CIITA: variants seen among roughly 807,000 people sequenced by gnomAD.
The protein encoded by CIITA is class II major histocompatibility complex transactivator, also known as MHC class II transactivator.
CIITA carries 72 observed loss-of-function variants against 115.1 expected under a neutral mutation model. The observed-to-expected ratio is 0.63, with a 90% CI of 0.52 to 0.76. The LOEUF is 0.76. Among genes scored for constraint, CIITA ranks in the 30% least tolerant of loss-of-function variants. The pLI is 0.00. For synonymous variants in CIITA, 763 were observed against 635.6 expected, an observed-to-expected ratio of 1.20 and a Z score of -3.02; for missense variants, 1,617 against 1,463.8, an observed-to-expected ratio of 1.10 and a Z score of -1.71.
downstream of CIITA, chr16:10,941,241 G>A (rs1245918271): frequency 6.3e-6 from 1 of 157,508 alleles, no homozygotes; most frequent in Admixed American, 6.2e-5. This position sits in a 1 kb window ranked among gnomAD's most constrained non-coding sequence, Gnocchi z 6.4. Flanking sequence ...ATGAGGACTG[G>A]AGGAGGAGCT....
chr16:10,885,938 TTG>T (rs2036899699), intron 1 of CIITA, among the ~76,000 whole-genome samples: 1 of 152,192 alleles, frequency 6.6e-6, no homozygotes, highest in Non-Finnish European at 1.5e-5. Context: ...ACTATGATCT[TTG>T]GTTCACATGA....
At position 10,918,426 on chromosome 16, in the gene CIITA, C is replaced by T; in HGVS notation, c.3063-14C>T. On this transcript the variant is annotated splice_polypyrimidine_tract_variant and intron_variant, in intron 15 of 19. Transcript: ENST00000324288. The stretch of plus-strand genomic sequence containing the variant: ...GTTTGGTCCTGAGCCCTCCCCCTCA[C>T]TGTGTCCCCGCAGTCTGTCCCAGAA... The T allele has an allele frequency of 6.2e-7, 1 of 1,613,404 alleles. No individual in the cohort carries two copies. The highest frequency in any genetic ancestry group is 8.5e-7 in the Non-Finnish European group (1 of 1,179,256).
intron 1 of CIITA, among the ~76,000 whole-genome samples, chr16:10,892,172 A>G (rs1416838280): frequency 6.6e-6 from 1 of 152,046 alleles, no homozygotes; most frequent in Non-Finnish European, 1.5e-5. Flanking sequence ...AAAAATAAAA[A>G]AATTAGCCAG....
rs2039470525 is a variant in CIITA at position 10,910,279 on chromosome 16, G to A, written c.2888+20G>A. 3 of 1,609,488 alleles carry A rather than the reference G, an allele frequency of 1.9e-6. No homozygotes were observed. Among genetic ancestry groups the A allele is most frequent in the Non-Finnish European group, 2.6e-6 (3 of 1,176,402 alleles). On this transcript the variant is annotated intron_variant, in intron 13 of 19. Transcript: ENST00000324288. ...GTTTGCGTAAGCAAAGGGGTGGATT[G>A]TCTTGTGGGTCTGCGCAAGGTTTCC... is the stretch of plus-strand genomic sequence containing the variant.
Position 10,934,124 on chromosome 16 carries a change from C to G in CIITA, c.*10269C>G, listed in dbSNP as rs1027272869. 1 of 152,274 alleles carries G rather than the reference C, an allele frequency of 6.6e-6. No individual in the cohort carries two copies. Among genetic ancestry groups the G allele is most frequent in the African/African-American group, 2.4e-5 (1 of 41,470 alleles). The allele number at this position is 152,274 out of a possible 1,614,324, so 9.4% of individuals were successfully genotyped here. The stretch of plus-strand genomic sequence containing the variant: ...CTTTGTGAAGATGCCTGGTCTACCA[C>G]GTGCCTCCAGCTGGTCACGCCCAAG... On this transcript the variant is annotated 3_prime_UTR_variant, in exon 20 of 20. Transcript: ENST00000324288. This position sits in a 1 kb window ranked among gnomAD's most constrained non-coding sequence, Gnocchi z 4.2.
chr16:10,906,617 C>A lies in CIITA; in HGVS notation c.1125C>A (p.Ser375Arg), dbSNP rs761770874. Residue 375 changes from serine (S) to arginine (R), a missense_variant, in exon 11 of 20, where the codon AGC (serine) becomes AGA (arginine). Physicochemically the swap from Ser to Arg is moderately radical, Grantham distance 110 (BLOSUM62 -1). Transcript: ENST00000324288. ...AGGCCAGGCTGGAGAGGAGCAGCAGCAAGAGCCTGGAGCGGGAACTGGCCA... is the reference window on the plus strand; with the variant it reads ...AGGCCAGGCTGGAGAGGAGCAGCAGAAAGAGCCTGGAGCGGGAACTGGCCA... ...LVQARLERSS[S>R]KSLERELATP... 6.2e-7 allele frequency: 1 copy of A among 1,613,912 alleles called. No homozygotes were observed. The highest frequency in any genetic ancestry group is 8.5e-7 in the Non-Finnish European group (1 of 1,180,000).
Position 10,923,179 on chromosome 16 carries a change from G to A in CIITA, c.3318-49G>A. 6.3e-7 allele frequency: 1 copy of A among 1,575,192 alleles called. No homozygotes were observed. The highest frequency in any genetic ancestry group is 2.2e-5 in the East Asian group (1 of 44,712). On this transcript the variant is annotated intron_variant, in intron 18 of 19. Coordinates refer to ENST00000324288, the MANE Select transcript of CIITA (RefSeq NM_000246.4). The surrounding 1 kb of genome is among the most constrained non-coding windows in gnomAD (Gnocchi z 5.2). ...GGGGCAGCTGTCACTGGGGCCCCAG[G>A]CCGCCCTCTCTCCTCTAACCTGGCT...
In CIITA at chr16:10,923,407, G is replaced by C; in HGVS notation, c.*22+82G>C. ...GTGAAGGTGGCATTCAAAAAATGTG[G>C]GCGGGACACAGGTGGGGCTAGGCCA... On this transcript the variant is annotated intron_variant, in intron 19 of 19. Coordinates refer to ENST00000324288, the MANE Select transcript of CIITA (RefSeq NM_000246.4). This position sits in a 1 kb window ranked among gnomAD's most constrained non-coding sequence, Gnocchi z 5.2. 8.7e-7 allele frequency: 1 copy of C among 1,144,260 alleles called. No homozygotes were observed. The highest frequency in any genetic ancestry group is 1.2e-5 in the South Asian group (1 of 81,244). 70.9% of individuals were successfully genotyped at this position (1,144,260 alleles called of 1,614,324 possible). A position where few individuals can be genotyped will look rare whatever the true frequency, so the allele number is the denominator to read the frequency against.
chr16:10,871,933 C>A (rs2035513208), intron 1 of CIITA, among the ~76,000 whole-genome samples: 1 of 152,218 alleles, frequency 6.6e-6, no homozygotes, highest in Non-Finnish European at 1.5e-5. Flanking sequence ...CCAAGCCTGG[C>A]ACTTCTCCAA....
At chr16:10,896,716 G>A (rs953384641) in intron 3 of CIITA, among the ~76,000 whole-genome samples, 1 of 152,220 alleles carries the variant, frequency 6.6e-6, no homozygotes, top group Non-Finnish European at 1.5e-5. Context: ...CCTGTGTGCA[G>A]TGAACAACCT....
intron 16 of CIITA, 42 bp downstream of exon 16, chr16:10,918,568 G>T (rs567677982): frequency 1.5e-5 from 24 of 1,573,100 alleles, no homozygotes; most frequent in Non-Finnish European, 2.1e-5. Context: ...TGAGCTGGGG[G>T]GCTGCAGAGC....
At position 10,931,016 on chromosome 16, in the gene CIITA, G is replaced by C. The variant is rs1318545454; in HGVS notation, c.*7161G>C. The C allele has an allele frequency of 6.6e-6, 1 of 152,326 alleles. No homozygotes were observed. Among genetic ancestry groups the C allele is most frequent in the Non-Finnish European group, 1.5e-5 (1 of 68,144 alleles). 9.4% of individuals were successfully genotyped at this position (152,326 alleles called of 1,614,324 possible). On this transcript the variant is annotated 3_prime_UTR_variant, in exon 20 of 20. Coordinates refer to ENST00000324288, the MANE Select transcript of CIITA (RefSeq NM_000246.4). ...CCTTGAGCCCATCTCAGATTTGTGT[G>C]GATAGGGTGTTAGAGAACATGGAAT...
At chr16:10,917,756 C>T (rs2040035963) in intron 15 of CIITA, among the ~76,000 whole-genome samples, 1 of 152,060 alleles carries the variant, frequency 6.6e-6, no homozygotes, top group African/African-American at 2.4e-5. Context: ...CTGGGATTAC[C>T]GGCATGAGCC....
At position 10,895,729 on chromosome 16, in the gene CIITA, G is replaced by A; in HGVS notation, c.260G>A (p.Gly87Asp). The change falls in exon 3 of 20, where the codon GGT becomes GAT. Residue 87 changes from glycine to aspartate, a missense_variant. By Grantham distance (94) the Gly-to-Asp change is moderately conservative. Coordinates refer to ENST00000324288, the MANE Select transcript of CIITA (RefSeq NM_000246.4). ...QFSRLLCDME[G>D]DEETREAYAN... ...AGCAGGCTGTTGTGTGACATGGAAG[G>A]TGATGAAGAGACCAGGGAGGCTTAT... 1 of 1,614,124 alleles carries A rather than the reference G, an allele frequency of 6.2e-7. No homozygotes were observed.
At chr16:10,908,964 G>T in intron 11 of CIITA, 65 bp from the exon 12 acceptor site, 1 of 1,611,538 alleles carries the variant, frequency 6.2e-7, no homozygotes, top group Non-Finnish European at 8.5e-7. Flanking sequence ...ACCCTTCATG[G>T]AGCTGCCCTT....
intron 1 of CIITA, among the ~76,000 whole-genome samples, chr16:10,880,055 A>G (rs2036262264): frequency 6.6e-6 from 1 of 152,252 alleles, no homozygotes; most frequent in Non-Finnish European, 1.5e-5. Context: ...TTAAGGAAAC[A>G]GGTACTTCTT....
In CIITA at chr16:10,899,452, T is replaced by G. The variant is rs558950129; in HGVS notation, c.436+450T>G. Among the ~76,000 whole-genome samples, 4 of 152,338 alleles carry G rather than the reference T, an allele frequency of 2.6e-5. No homozygotes were observed. The East Asian group carries it at 7.7e-4, about 29-fold the overall frequency. On this transcript the variant is annotated intron_variant, in intron 5 of 19. Coordinates refer to ENST00000324288, the MANE Select transcript of CIITA (RefSeq NM_000246.4). ...GAACCCTTCTCTGACCATCCTTCCATGTAGATTAGCTCAGTTATTCTCACC... is the reference window on the plus strand; with the variant it reads ...GAACCCTTCTCTGACCATCCTTCCAGGTAGATTAGCTCAGTTATTCTCACC...
intron 1 of CIITA, among the ~76,000 whole-genome samples, chr16:10,871,202 C>T (rs963093619): frequency 2.6e-5 from 4 of 152,182 alleles, no homozygotes; most frequent in Admixed American, 2.0e-4. Flanking sequence ...TCAGGGACAC[C>T]ATTCAGTGTA....
rs1455545312 is a variant in CIITA at position 10,929,878 on chromosome 16, G to C, written c.*6023G>C. 6.6e-6 allele frequency: 1 copy of C among 152,500 alleles called. No homozygotes were observed. Among genetic ancestry groups the C allele is most frequent in the Non-Finnish European group, 1.5e-5 (1 of 68,260 alleles). The allele number at this position is 152,500 out of a possible 1,614,324, so 9.4% of individuals were successfully genotyped here. Reference sequence around the variant, plus strand: ...GAGGAGGGGGATGCTGGTGCAGCCTGCTCAGGAGTCACCCAGGGTCTGAGG... The same window carrying C: ...GAGGAGGGGGATGCTGGTGCAGCCTCCTCAGGAGTCACCCAGGGTCTGAGG... On this transcript the variant is annotated 3_prime_UTR_variant, in exon 20 of 20. Coordinates refer to ENST00000324288, the MANE Select transcript of CIITA (RefSeq NM_000246.4). The surrounding 1 kb of genome is among the most constrained non-coding windows in gnomAD (Gnocchi z 4.3).
Sources: gnomAD v4.1 joint callset for allele counts (sites outside exome capture counted in the v4.1 genomes callset) on GRCh38, gnomAD v4.1.1 for gene constraint, Gnocchi (gnomAD v3.1) non-coding constraint, MANE v1.5 for transcripts, NCBI Gene and HGNC (gene_info 2026-07-23, HGNC 2026-07-21) for gene names.